ADIPOR2: variants seen among roughly 807,000 people sequenced by gnomAD.
ADIPOR2 encodes adiponectin receptor 2, also known as adiponectin receptor protein 2.
A neutral mutation model predicts 40.9 loss-of-function variants in ADIPOR2; 18 were observed. The ratio of observed to expected loss-of-function variants is 0.44; its 90% CI spans 0.30 to 0.65. The LOEUF (loss-of-function observed/expected upper bound fraction) is 0.65. Among genes scored for constraint, ADIPOR2 ranks in the 30% least tolerant of loss-of-function variants. The pLI, the probability that ADIPOR2 is intolerant of heterozygous loss-of-function variation, is 0.09. For missense variants in ADIPOR2, 283 were observed against 479.2 expected, an observed-to-expected ratio of 0.59 and a Z score of 3.82; for synonymous variants, 165 against 166.4, an observed-to-expected ratio of 0.99 and a Z score of 0.06.
chr12:1,745,955 C>A (rs1425544767), intron 1 of ADIPOR2, among the ~76,000 whole-genome samples: 4 of 151,856 alleles, frequency 2.6e-5, no homozygotes, highest in Admixed American at 2.0e-4. Context: ...TACCTGTAGT[C>A]CAAAATTCAG....
At chr12:1,721,146 T>A (rs905634656) in intron 1 of ADIPOR2, among the ~76,000 whole-genome samples, 7 of 151,948 alleles carry the variant, frequency 4.6e-5, no homozygotes, top group Admixed American at 4.6e-4. Context: ...GCACATGTTG[T>A]CAGGACTTCC....
rs896260025 is a variant in ADIPOR2, at chr12:1,785,964, T to G, written c.1053T>G (p.Phe351Leu). The change falls in exon 8 of 8, where the codon TTT (phenylalanine) becomes TTG (leucine). Residue 351 changes from phenylalanine to leucine, a missense_variant. Physicochemically the swap from Phe to Leu is conservative, Grantham distance 22 (BLOSUM62 0). This residue lies in a region of ADIPOR2 where 106 missense variants were observed against 149.7 expected (regional missense o/e 0.71). Transcript: ENST00000357103. Reference sequence around the variant, plus strand: ...TCCAGTTTCACTCTCATCAGCTGTTTCATATCTTTGTGGTTGCTGGAGCTT... The same window carrying G: ...TCCAGTTTCACTCTCATCAGCTGTTGCATATCTTTGTGGTTGCTGGAGCTT... ...CDIWFHSHQL[F>L]HIFVVAGAFV... 4 of 1,614,100 alleles carry G rather than the reference T, an allele frequency of 2.5e-6. No homozygotes were observed. In the Admixed American group the frequency reaches 6.7e-5, roughly 27 times the overall value.
chr12:1,772,969 T>G lies in ADIPOR2; in HGVS notation c.291+8T>G, dbSNP rs1377918424. ...GAAGAATTTGTTTGTAAGGTAAGAGTGCAGTTTCTTGTCATTGTCATGCTA... is the reference window on the plus strand; with the variant it reads ...GAAGAATTTGTTTGTAAGGTAAGAGGGCAGTTTCTTGTCATTGTCATGCTA... On this transcript the variant is annotated splice_region_variant and intron_variant, in intron 3 of 7. Transcript: ENST00000357103. The G allele has an allele frequency of 1.9e-6, 3 of 1,612,392 alleles. No individual in the cohort carries two copies. The highest frequency in any genetic ancestry group is 2.5e-6 in the Non-Finnish European group (3 of 1,179,310).
chr12:1,763,530 A>G (rs1200393229), intron 2 of ADIPOR2, among the ~76,000 whole-genome samples: 1 of 152,236 alleles, frequency 6.6e-6, no homozygotes, highest in Non-Finnish European at 1.5e-5. Flanking sequence ...ATTTGTGTCA[A>G]AAAGAAAAGA....
chr12:1,743,788 C>G (rs1330826534), intron 1 of ADIPOR2, among the ~76,000 whole-genome samples: 2 of 152,164 alleles, frequency 1.3e-5, no homozygotes, highest in Non-Finnish European at 2.9e-5. Context: ...TATTAAAGAT[C>G]TGGCTTAAGA....
intron 2 of ADIPOR2, chr12:1,761,111 A>G (rs1261719349): frequency 6.6e-6 from 1 of 152,210 alleles, no homozygotes; most frequent in African/African-American, 2.4e-5. Context: ...CTAATTTATA[A>G]ATTAAACTAT....
intron 1 of ADIPOR2, among the ~76,000 whole-genome samples, chr12:1,702,098 G>A (rs1302227162): frequency 6.6e-6 from 1 of 151,956 alleles, no homozygotes; most frequent in South Asian, 2.1e-4. Flanking sequence ...CTCCAGCTTG[G>A]GTGATGAGCG....
chr12:1,730,870 G>A (rs1022228259), intron 1 of ADIPOR2: 7 of 144,522 alleles, frequency 4.8e-5, no homozygotes, highest in African/African-American at 1.7e-4. Context: ...GAAACTGTAG[G>A]CTGATTATGT....
chr12:1,730,486 G>A (rs1592594629), intron 1 of ADIPOR2, among the ~76,000 whole-genome samples: 2 of 151,704 alleles, frequency 1.3e-5, no homozygotes, highest in African/African-American at 4.8e-5. Flanking sequence ...GCGCGGTGGC[G>A]GGCGCCTGTA....
intron 1 of ADIPOR2, among the ~76,000 whole-genome samples, chr12:1,752,228 C>CTATTTTT (rs1565649071): frequency 6.4e-5 from 1 of 15,580 alleles, no homozygotes; most frequent in Non-Finnish European, 1.4e-4. Context: ...TGCTCCTGGC[C>CTATTTTT]TCTTTTTTTT....
Position 1,748,455 on chromosome 12 carries a change from A to G in ADIPOR2, c.-86-5803A>G, listed in dbSNP as rs566239544. On this transcript the variant is annotated intron_variant, in intron 1 of 7. Transcript: ENST00000357103. ...ATTAGAGATGGGGTTTCACCGTGTT[A>G]GCCAGGATGGTCTCAATCTCCTGAC... Among the ~76,000 whole-genome samples the G allele has an allele frequency of 1.9e-3, 293 of 152,092 alleles. 1 individual carries two copies. Among genetic ancestry groups the G allele is most frequent in the Middle Eastern group, 0.014 (4 of 294 alleles).
intron 1 of ADIPOR2, among the ~76,000 whole-genome samples, chr12:1,734,400 A>T (rs1592597574): frequency 6.6e-6 from 1 of 152,144 alleles, no homozygotes; most frequent in East Asian, 1.9e-4. Flanking sequence ...TTGGCTGCAT[A>T]AATGTCTTCT....
chr12:1,766,887 A>G (rs1018824884), intron 2 of ADIPOR2, among the ~76,000 whole-genome samples: 3 of 152,214 alleles, frequency 2.0e-5, no homozygotes, highest in African/African-American at 4.8e-5. Context: ...CCACTATATA[A>G]TAGTTTATTG....
intron 1 of ADIPOR2, among the ~76,000 whole-genome samples, chr12:1,753,033 ATGAAACCAACAGT>A (rs1364855093): frequency 6.6e-6 from 1 of 152,208 alleles, no homozygotes; most frequent in South Asian, 2.1e-4. Flanking sequence ...CACATGATTT[ATGAAACCAACAGT>A]TGACTAATTC....
chr12:1,705,541 A>G (rs1184792212), intron 1 of ADIPOR2, among the ~76,000 whole-genome samples: 1 of 152,236 alleles, frequency 6.6e-6, no homozygotes, highest in African/African-American at 2.4e-5. Flanking sequence ...CCTTCAGGCT[A>G]TGAAACAAAT....
intron 2 of ADIPOR2, chr12:1,757,667 C>T: frequency 7.7e-7 from 1 of 1,297,904 alleles, no homozygotes; most frequent in Non-Finnish European, 1.1e-6. Flanking sequence ...TTGGCCTCCT[C>T]AGGTGTAATA....
chr12:1,737,901 C>T (rs1360399259), intron 1 of ADIPOR2, among the ~76,000 whole-genome samples: 1 of 152,026 alleles, frequency 6.6e-6, no homozygotes, highest in Non-Finnish European at 1.5e-5. Flanking sequence ...TTCATGCTTC[C>T]AATTTAAGAT....
At chr12:1,748,241 T>G (rs769195627) in intron 1 of ADIPOR2, among the ~76,000 whole-genome samples, 19 of 152,062 alleles carry the variant, frequency 1.2e-4, no homozygotes, top group Non-Finnish European at 2.6e-4. Context: ...TTCCTTTACT[T>G]TTATTATTTA....
At chr12:1,767,428 T>C (rs1298894469) in intron 2 of ADIPOR2, among the ~76,000 whole-genome samples, 1 of 152,234 alleles carries the variant, frequency 6.6e-6, no homozygotes, top group African/African-American at 2.4e-5. Flanking sequence ...CTAGATATTA[T>C]AGTTATTCTT....
Sources: allele counts gnomAD v4.1 joint callset (sites outside exome capture counted in the v4.1 genomes callset), GRCh38; gene constraint gnomAD v4.1.1; regional missense constraint gnomAD v4.1.1; transcripts MANE v1.5; gene names NCBI Gene and HGNC (gene_info 2026-07-23, HGNC 2026-07-21).